The following PCSK9 variants were observed in gnomAD, a reference collection of about 807,000 sequenced individuals.
The protein encoded by PCSK9 is proprotein convertase subtilisin/kexin type 9.
A neutral mutation model predicts 62.1 loss-of-function variants in PCSK9; 57 were observed. The observed-to-expected ratio is 0.92, with a 90% CI of 0.74 to 1.14. PCSK9 has a LOEUF of 1.14. Ranked by LOEUF, PCSK9 falls within the 50% of genes most tolerant of loss-of-function variation. The pLI is 0.00. For synonymous variants in PCSK9, 387 were observed against 409.4 expected, an observed-to-expected ratio of 0.95 and a Z score of 0.66; for missense variants, 870 against 959.8, an observed-to-expected ratio of 0.91 and a Z score of 1.24.
intron 2 of PCSK9, among the ~76,000 whole-genome samples, chr1:55,044,511 C>T (rs188598917): frequency 9.3e-4 from 141 of 152,288 alleles, no homozygotes; most frequent in Admixed American, 5.5e-3. Context: ...TGGCCCTCCT[C>T]CCTCCTGGAT....
chr1:55,045,442 G>C (rs950209677), intron 2 of PCSK9, among the ~76,000 whole-genome samples: 2 of 152,220 alleles, frequency 1.3e-5, no homozygotes, highest in South Asian at 4.1e-4. Context: ...GCATTCAGCA[G>C]ATGCTAGGTA....
intron 3 of PCSK9, chr1:55,051,643 A>G (rs1452831899): frequency 4.4e-6 from 1 of 225,040 alleles, no homozygotes; most frequent in Non-Finnish European, 8.9e-6. Flanking sequence ...AAACTGATCC[A>G]GTTAGGGATG....
chr1:55,060,720 C>A (rs1368494285), intron 10 of PCSK9, among the ~76,000 whole-genome samples: 2 of 152,204 alleles, frequency 1.3e-5, no homozygotes, highest in African/African-American at 4.8e-5. Context: ...AAGGGAACTG[C>A]AGGCTGGACA....
intron 9 of PCSK9, among the ~76,000 whole-genome samples, 188 bp from the exon 10 acceptor site, chr1:55,059,298 T>C (rs11206516): frequency 0.018 from 2,799 of 152,296 alleles, 56 homozygotes; most frequent in African/African-American, 0.044. Flanking sequence ...TTTTGAGTAT[T>C]CAGAGCTGCC....
At chr1:55,056,921 C>G (rs1209611714) in intron 6 of PCSK9, among the ~76,000 whole-genome samples, 1 of 50,014 alleles carries the variant, frequency 2.0e-5, no homozygotes, top group East Asian at 8.2e-4. Flanking sequence ...TACCTGACAG[C>G]GGTAACCTAG....
chr1:55,056,227 G>A (rs1644713319), intron 6 of PCSK9, 38 bp downstream of exon 6: 14 of 25,824 alleles, frequency 5.4e-4, no homozygotes, highest in Non-Finnish European at 6.4e-4. Context: ...CGCGGGTAGG[G>A]GGCGGAGGGC....
At chr1:55,058,278 C>G in intron 8 of PCSK9, 69 bp downstream of exon 8, 2 of 1,548,552 alleles carry the variant, frequency 1.3e-6, no homozygotes, top group Non-Finnish European at 1.8e-6. Flanking sequence ...TTGACAGTCT[C>G]TCCCTTCTCC....
Position 55,061,381 on chromosome 1 carries a change from G to T in PCSK9, c.1688G>T (p.Ser563Ile). ...TGGCTTTCCTCTGCCCCAGGCTGCA[G>T]CTCCCACTGGGAGGTGGAGGACCTT... Reference protein sequence around the residue: ...HQQGHVLTGCSSHWEVEDLGT... With the variant: ...HQQGHVLTGCISHWEVEDLGT... Residue 563 changes from serine to isoleucine, a missense_variant, in exon 11 of 12, where the codon AGC becomes ATC. Coordinates refer to ENST00000302118, the MANE Select transcript of PCSK9 (RefSeq NM_174936.4). The T allele has an allele frequency of 1.2e-6, 2 of 1,607,390 alleles. No individual in the cohort carries two copies. Among genetic ancestry groups the T allele is most frequent in the Non-Finnish European group, 1.7e-6 (2 of 1,178,076 alleles).
intron 3 of PCSK9, among the ~76,000 whole-genome samples, chr1:55,050,319 T>A (rs1644663912): frequency 6.6e-6 from 1 of 152,146 alleles, no homozygotes; most frequent in African/African-American, 2.4e-5. Flanking sequence ...CCTTCGACAT[T>A]CCATAGCCCA....
rs1363418193 is a variant in PCSK9 at position 55,058,540 on chromosome 1, GGGCCTACACGGAT to G, written c.1401_1413del (p.Thr468GlnfsTer13). 6.2e-7 allele frequency: 1 copy of G among 1,612,138 alleles called. No homozygotes were observed. Among genetic ancestry groups the G allele is most frequent in the Admixed American group, 1.7e-5 (1 of 60,026 alleles). Reference sequence around the variant, plus strand: ...CAGGACTGTATGGTCAGCACACTCGGGGCCTACACGGATGGCCACAGCCGTCGCCCGCTGCGCC... The same window carrying G: ...CAGGACTGTATGGTCAGCACACTCGGGGCCACAGCCGTCGCCCGCTGCGCC... On this transcript the variant is annotated frameshift_variant, in exon 9 of 12. Transcript: ENST00000302118. LOFTEE classifies it high-confidence loss of function.
At chr1:55,060,548 C>A (rs1644751244) in intron 10 of PCSK9, among the ~76,000 whole-genome samples, 1 of 152,186 alleles carries the variant, frequency 6.6e-6, no homozygotes, top group Non-Finnish European at 1.5e-5. Flanking sequence ...AGGGGAGAGG[C>A]TCCGTCAGGT....
intron 1 of PCSK9, 134 bp from the exon 2 acceptor site, chr1:55,043,709 G>C (rs1644613340): frequency 5.6e-6 from 6 of 1,064,542 alleles, no homozygotes; most frequent in Admixed American, 2.2e-5. Context: ...GTCCGCATTT[G>C]GTAACTTCTT....
At chr1:55,045,405 C>A (rs1570295092) in intron 2 of PCSK9, among the ~76,000 whole-genome samples, 1 of 152,292 alleles carries the variant, frequency 6.6e-6, no homozygotes, top group East Asian at 1.9e-4. Flanking sequence ...TTGGAACATT[C>A]ATTTAAGGAC....
chr1:55,043,755 G>T lies in PCSK9; in HGVS notation c.208-88G>T, dbSNP rs182743566. ...TATACTCTGTTGTGTCTCTTTTGTTGTAATTTGTAAGTAGGGGTGAGATAA... is the reference window on the plus strand; with the variant it reads ...TATACTCTGTTGTGTCTCTTTTGTTTTAATTTGTAAGTAGGGGTGAGATAA... On this transcript the variant is annotated intron_variant, in intron 1 of 11. Transcript: ENST00000302118. The T allele has an allele frequency of 3.6e-5, 53 of 1,452,284 alleles. 1 individual carries two copies. In the African/African-American group the frequency reaches 6.9e-4, roughly 19 times the overall value. The allele number at this position is 1,452,284 out of a possible 1,614,324, so 90.0% of individuals were successfully genotyped here.
intron 10 of PCSK9, among the ~76,000 whole-genome samples, chr1:55,060,030 G>C (rs1247362019): frequency 1.3e-5 from 2 of 152,212 alleles, no homozygotes; most frequent in East Asian, 3.9e-4. Context: ...GCAGACCTCG[G>C]TTTGAATTTC....
At chr1:55,046,461 G>A in intron 2 of PCSK9, 62 bp from the exon 3 acceptor site, 1 of 1,613,508 alleles carries the variant, frequency 6.2e-7, no homozygotes. Flanking sequence ...CCAGGCTGTG[G>A]CTGTGTTTGC....
intron 8 of PCSK9, 56 bp from the exon 9 acceptor site, chr1:55,058,443 C>A (rs585131): frequency 1.2e-6 from 2 of 1,611,078 alleles, no homozygotes; most frequent in African/African-American, 1.3e-5. Flanking sequence ...CTAAAGATTT[C>A]TGTGGAGGTC....
At chr1:55,056,487 C>G (rs1644716260) in intron 6 of PCSK9, among the ~76,000 whole-genome samples, 1 of 152,186 alleles carries the variant, frequency 6.6e-6, no homozygotes, top group Non-Finnish European at 1.5e-5. Context: ...TGGCCACTCT[C>G]CCTCCTGAAG....
rs770857069 is a variant in PCSK9 at position 55,063,930 on chromosome 1, G to A, written c.*346G>A. The A allele has an allele frequency of 1.1e-4, 37 of 324,782 alleles. No individual in the cohort carries two copies. The highest frequency in any genetic ancestry group is 2.2e-4 in the Admixed American group (5 of 22,334). 20.1% of individuals were successfully genotyped at this position (324,782 alleles called of 1,614,324 possible). On this transcript the variant is annotated 3_prime_UTR_variant, in exon 12 of 12. Coordinates refer to ENST00000302118, the MANE Select transcript of PCSK9 (RefSeq NM_174936.4). The stretch of plus-strand genomic sequence containing the variant: ...ATGACTTTTATTGAGCTCTTGTTCC[G>A]TGCCAGGCATTCAATCCTCAGGTCT...
Sources: allele counts gnomAD v4.1 joint callset (sites outside exome capture counted in the v4.1 genomes callset), GRCh38; gene constraint gnomAD v4.1.1; transcripts MANE v1.5; gene names NCBI Gene and HGNC (gene_info 2026-07-23, HGNC 2026-07-21).